Variants in IFITM10 observed in about 807,000 individuals in gnomAD.
The protein encoded by IFITM10 is interferon induced transmembrane protein 10.
In IFITM10, 17 loss-of-function variants were observed where a neutral mutation model predicts 19.0. The ratio of observed to expected loss-of-function variants is 0.90; its 90% CI spans 0.61 to 1.34. The LOEUF is 1.34. Among genes scored for constraint, IFITM10 ranks in the 40% most tolerant of loss-of-function variants. The probability of loss-of-function intolerance (pLI) is 0.00; values close to 1 mark genes in which losing one functional copy is unlikely to be tolerated. For synonymous variants in IFITM10, 148 were observed against 147.2 expected (o/e 1.01, Z -0.04); for missense variants, 306 against 319.8 (o/e 0.96, Z 0.33).
chr11:1,741,949 G>C (rs1282637194), intron 2 of IFITM10, among the ~76,000 whole-genome samples: 1 of 152,232 alleles, frequency 6.6e-6, no homozygotes, highest in Non-Finnish European at 1.5e-5. Context: ...CTGCAACCCA[G>C]AAGAGGGTCC....
intron 2 of IFITM10, among the ~76,000 whole-genome samples, chr11:1,740,423 C>A (rs1363384726): frequency 1.3e-5 from 2 of 151,702 alleles, no homozygotes; most frequent in Admixed American, 1.3e-4. Context: ...GTAGTGAGAC[C>A]TGACCAGCTC....
In IFITM10 at chr11:1,740,059, T is replaced by C. The variant is rs183808139; in HGVS notation, c.538-4630A>G. On this transcript the variant is annotated intron_variant, in intron 2 of 2. Transcript: ENST00000340134. ...GCTCACGCCTGTAATCCCAGCACTT[T>C]GGGAGGCCAAGGCAGGCAGATCATG... Among the ~76,000 whole-genome samples, 829 of 152,236 alleles carry C rather than the reference T, an allele frequency of 5.4e-3. 9 individuals are homozygous for C. Among genetic ancestry groups the C allele is most frequent in the Non-Finnish European group, 5.1e-3 (348 of 68,002 alleles).
intron 2 of IFITM10, among the ~76,000 whole-genome samples, chr11:1,740,443 C>A (rs557611748): frequency 6.6e-6 from 1 of 151,408 alleles, no homozygotes; most frequent in Non-Finnish European, 1.5e-5. Context: ...CCTGGACAGG[C>A]GTGGAAGGTG....
At position 1,746,979 on chromosome 11, in the gene IFITM10, C is replaced by T. The variant is rs537622634; in HGVS notation, c.537+688G>A. On this transcript the variant is annotated intron_variant, in intron 2 of 2. Coordinates refer to ENST00000340134, the MANE Select transcript of IFITM10 (RefSeq NM_001170820.4). Reference sequence around the variant, plus strand: ...CTCACTGTGAGCCCATCACAGCCTCCCTCCCACCATCTCAGTCCCTGCTGC... The same window carrying T: ...CTCACTGTGAGCCCATCACAGCCTCTCTCCCACCATCTCAGTCCCTGCTGC... Among the ~76,000 whole-genome samples, 3 of 152,246 alleles carry T rather than the reference C, an allele frequency of 2.0e-5. 1 individual carries two copies. The highest frequency in any genetic ancestry group is 7.2e-5 in the African/African-American group (3 of 41,554).
At chr11:1,741,431 G>A (rs925440278) in intron 2 of IFITM10, among the ~76,000 whole-genome samples, 1 of 151,978 alleles carries the variant, frequency 6.6e-6, no homozygotes, top group Admixed American at 6.6e-5. Flanking sequence ...GGTGCTGGGT[G>A]GGTAGAGGAG....
At chr11:1,750,309 G>C (rs1355453547) in intron 1 of IFITM10, 50 bp downstream of exon 1, 2 of 1,549,686 alleles carry the variant, frequency 1.3e-6, no homozygotes, top group Non-Finnish European at 1.7e-6. Context: ...CTCCCTCCAA[G>C]TCCCCCACTT....
intron 1 of IFITM10, among the ~76,000 whole-genome samples, chr11:1,749,536 C>T (rs897804048): frequency 6.6e-6 from 1 of 151,802 alleles, no homozygotes. Context: ...TCCCACTCTC[C>T]CCATGGCGCT....
chr11:1,748,256 C>T, intron 1 of IFITM10, 137 bp from the exon 2 acceptor site: 3 of 628,662 alleles, frequency 4.8e-6, no homozygotes, highest in Middle Eastern at 4.7e-4. Flanking sequence ...CTGCCACCTG[C>T]CTCCCCCACC....
At position 1,749,582 on chromosome 11, in the gene IFITM10, C is replaced by G. The variant is rs956477379; in HGVS notation, c.84+777G>C. ...GCCTGGGCCCTGCTGCCTCCAGGGA[C>G]CCCCGCCCCTGGGTCCTGCCCTTCT... On this transcript the variant is annotated intron_variant, in intron 1 of 2. Coordinates refer to ENST00000340134, the MANE Select transcript of IFITM10 (RefSeq NM_001170820.4). Among the ~76,000 whole-genome samples the G allele has an allele frequency of 3.9e-4, 60 of 152,078 alleles. 1 individual carries two copies. The highest frequency in any genetic ancestry group is 1.3e-3 in the African/African-American group (53 of 41,490).
intron 2 of IFITM10, among the ~76,000 whole-genome samples, chr11:1,747,370 G>A (rs1478949646): frequency 1.8e-5 from 2 of 108,846 alleles, no homozygotes; most frequent in Admixed American, 9.9e-5. Context: ...CTCAACCCCC[G>A]CTCCCAGCCC....
At chr11:1,743,619 C>A (rs1482920143) in intron 2 of IFITM10, among the ~76,000 whole-genome samples, 1 of 152,082 alleles carries the variant, frequency 6.6e-6, no homozygotes, top group Non-Finnish European at 1.5e-5. Context: ...CAAAACCCAA[C>A]GCAGAACCCA....
chr11:1,747,958 G>A lies in IFITM10; in HGVS notation c.246C>T (p.Ala82=). ...GCFACVSKPP[A]LQAPAAPAPE... ...GGGCAGGGGCCGCCGGAGCCTGCAG[G>A]GCAGGGGGCTTGGACACGCAAGCGA... The change falls in exon 2 of 3, where the codon GCC becomes GCT. Residue 82 remains alanine, a synonymous_variant. Transcript: ENST00000340134. The A allele has an allele frequency of 6.8e-7, 1 of 1,465,036 alleles. No individual in the cohort carries two copies. The highest frequency in any genetic ancestry group is 9.0e-7 in the Non-Finnish European group (1 of 1,107,948). The allele number at this position is 1,465,036 out of a possible 1,614,324, so 90.8% of individuals were successfully genotyped here.
At chr11:1,736,293 G>GT (rs1851086070) in intron 2 of IFITM10, among the ~76,000 whole-genome samples, 1 of 152,206 alleles carries the variant, frequency 6.6e-6, no homozygotes, top group African/African-American at 2.4e-5. Flanking sequence ...GGATCCCTCA[G>GT]TGTGCAGGTT....
intron 2 of IFITM10, chr11:1,746,340 AC>A (rs1176601003): frequency 1.1e-4 from 41 of 387,476 alleles, no homozygotes; most frequent in Non-Finnish European, 1.6e-4. Context: ...ACAGTCATAC[AC>A]ATGCACACAC....
intron 2 of IFITM10, 76 bp downstream of exon 2, chr11:1,747,591 C>T (rs894460440): frequency 3.0e-5 from 39 of 1,309,768 alleles, no homozygotes; most frequent in Admixed American, 2.3e-4. Flanking sequence ...AGGGGCCGAG[C>T]GCCCACAGCC....
At chr11:1,746,674 A>G in intron 2 of IFITM10, 1 of 398,638 alleles carries the variant, frequency 2.5e-6, no homozygotes, top group Non-Finnish European at 4.4e-6. Flanking sequence ...GAAGCTGGCC[A>G]GGCGTCCTTC....
chr11:1,735,120 C>A lies in IFITM10; in HGVS notation c.*160G>T. On this transcript the variant is annotated 3_prime_UTR_variant, in exon 3 of 3. Coordinates refer to ENST00000340134, the MANE Select transcript of IFITM10 (RefSeq NM_001170820.4). ...CCAAGCTCACTGCCCCCTTGCTGTA[C>A]TCAGCTTCTGATGGCCTTGCTGCCC... 1 of 696,172 alleles carries A rather than the reference C, an allele frequency of 1.4e-6. No homozygotes were observed. The highest frequency in any genetic ancestry group is 2.4e-6 in the Non-Finnish European group (1 of 423,230). 43.1% of individuals were successfully genotyped at this position (696,172 alleles called of 1,614,324 possible).
intron 2 of IFITM10, among the ~76,000 whole-genome samples, chr11:1,741,630 A>C (rs2334410): frequency 1.3e-5 from 2 of 152,058 alleles, no homozygotes; most frequent in East Asian, 3.9e-4. Context: ...GAAAAAGAGC[A>C]GGGGTGGGCA....
chr11:1,747,756 C>T lies in IFITM10; in HGVS notation c.448G>A (p.Val150Met), dbSNP rs1030288883. The T allele has an allele frequency of 2.8e-5, 43 of 1,551,742 alleles. No individual in the cohort carries two copies. In the Middle Eastern group the frequency reaches 5.0e-4, roughly 18 times the overall value. ...ATGGACCACAGGTAATAGTCGTTCA[C>T]CTCGGTGGTGTCCGGGTAGACCTCG... ...VIEVYPDTTE[V>M]NDYYLWSIFN... Residue 150 changes from valine to methionine, a missense_variant, in exon 2 of 3, where the codon GTG (valine) becomes ATG (methionine). By Grantham distance (21) the Val-to-Met change is conservative (BLOSUM62 1). Coordinates refer to ENST00000340134, the MANE Select transcript of IFITM10 (RefSeq NM_001170820.4).
Sources: gnomAD v4.1 joint callset for allele counts (sites outside exome capture counted in the v4.1 genomes callset) on GRCh38, gnomAD v4.1.1 for gene constraint, MANE v1.5 for transcripts, NCBI Gene and HGNC (gene_info 2026-07-23, HGNC 2026-07-21) for gene names.